Variants in KATNIP observed in about 807,000 individuals in gnomAD.
KATNIP encodes katanin interacting protein, also known as katanin-interacting protein.
KATNIP carries 126 observed loss-of-function variants against 174.0 expected under a neutral mutation model. The ratio of observed to expected loss-of-function variants is 0.72; its 90% CI spans 0.63 to 0.84. KATNIP has a LOEUF of 0.84. Ranked by LOEUF, KATNIP falls within the 40% of genes least tolerant of loss-of-function variation. The pLI is 0.00. For missense variants in KATNIP, 1,958 were observed against 2,109.7 expected (o/e 0.93, Z 1.41); for synonymous variants, 810 against 835.7 (o/e 0.97, Z 0.53).
chr16:27,608,552 C>G (rs755070784), intron 2 of KATNIP, among the ~76,000 whole-genome samples: 1 of 151,622 alleles, frequency 6.6e-6, no homozygotes, highest in Non-Finnish European at 1.5e-5. Flanking sequence ...GGGTCTCACT[C>G]TGCTGCCCAG....
intron 1 of KATNIP, among the ~76,000 whole-genome samples, chr16:27,570,889 G>C (rs986202164): frequency 2.0e-5 from 3 of 152,226 alleles, no homozygotes; most frequent in African/African-American, 7.2e-5. Context: ...GAGGGACACG[G>C]AGTCTATTTT....
rs974739013 is a variant in KATNIP, at chr16:27,634,775, A to G, written c.408+3613A>G. Among the ~76,000 whole-genome samples, 29 of 152,338 alleles carry G rather than the reference A, an allele frequency of 1.9e-4. 1 individual carries two copies. The highest frequency in any genetic ancestry group is 6.5e-4 in the Admixed American group (10 of 15,304). The stretch of plus-strand genomic sequence containing the variant: ...TTGGCTGAACCTAAATCACACCCAG[A>G]ACCCAAGCCAAAATGTAACCATAAT... On this transcript the variant is annotated intron_variant, in intron 5 of 27. Transcript: ENST00000261588.
intron 3 of KATNIP, among the ~76,000 whole-genome samples, chr16:27,622,759 G>A (rs890502445): frequency 2.0e-5 from 3 of 152,132 alleles, no homozygotes; most frequent in African/African-American, 7.2e-5. Flanking sequence ...GCATCACTGG[G>A]GGCCTCACCT....
At chr16:27,584,316 T>A (rs1567461148) in intron 2 of KATNIP, among the ~76,000 whole-genome samples, 1 of 151,986 alleles carries the variant, frequency 6.6e-6, no homozygotes. Flanking sequence ...GGTTGTGCAC[T>A]TGTCCTGGAG....
At position 27,749,701 on chromosome 16, in the gene KATNIP, T is replaced by A; in HGVS notation, c.2741T>A (p.Ile914Asn). Residue 914 changes from isoleucine to asparagine, a missense_variant, in exon 16 of 28, where the codon ATC becomes AAC. Physicochemically the swap from Ile to Asn is moderately radical, Grantham distance 149. Around this residue, in one of 3 missense-constraint regions of KATNIP, gnomAD observed 1,557 missense variants for 1,617.8 expected, o/e 0.96. Coordinates refer to ENST00000261588, the MANE Select transcript of KATNIP (RefSeq NM_015202.5). ...SAFDRSHRGRISNTELPGDIL... is the reference protein window; with the variant it reads ...SAFDRSHRGRNSNTELPGDIL... The stretch of plus-strand genomic sequence containing the variant: ...TTCGACCGCTCCCACCGGGGACGCA[T>A]CTCCAACACGGAGCTCCCGGGGGAC... The A allele has an allele frequency of 6.2e-7, 1 of 1,613,538 alleles. No homozygotes were observed. Among genetic ancestry groups the A allele is most frequent in the East Asian group, 2.2e-5 (1 of 44,866 alleles).
chr16:27,612,238 A>T (rs567973737), intron 2 of KATNIP, among the ~76,000 whole-genome samples: 2 of 152,146 alleles, frequency 1.3e-5, no homozygotes, highest in Non-Finnish European at 2.9e-5. Context: ...GTTCCACCAG[A>T]CAACAGGTAC....
intron 1 of KATNIP, among the ~76,000 whole-genome samples, chr16:27,556,548 CT>C (rs1414606634): frequency 6.6e-5 from 10 of 152,180 alleles, no homozygotes; most frequent in Admixed American, 6.5e-4. Context: ...CAACATTTCC[CT>C]TGTTTATACT....
intron 2 of KATNIP, among the ~76,000 whole-genome samples, chr16:27,596,171 G>A (rs1291260500): frequency 6.6e-6 from 1 of 152,170 alleles, no homozygotes; most frequent in Non-Finnish European, 1.5e-5. Context: ...GTGAAAGGAG[G>A]CAGTGGCTGC....
chr16:27,731,351 C>T (rs767185434), intron 14 of KATNIP, among the ~76,000 whole-genome samples: 18 of 152,160 alleles, frequency 1.2e-4, no homozygotes, highest in South Asian at 2.1e-4. Context: ...CCAGCCTCGA[C>T]GGGTCTATAT....
At chr16:27,621,148 C>T (rs1166288708) in intron 3 of KATNIP, among the ~76,000 whole-genome samples, 1 of 151,914 alleles carries the variant, frequency 6.6e-6, no homozygotes, top group East Asian at 1.9e-4. Flanking sequence ...TGGTGGCATC[C>T]ACCTATAGTT....
At chr16:27,617,579 C>T (rs936551700) in intron 2 of KATNIP, among the ~76,000 whole-genome samples, 6 of 152,206 alleles carry the variant, frequency 3.9e-5, no homozygotes, top group African/African-American at 1.4e-4. Flanking sequence ...CTGAGCAGTT[C>T]CCCAAAGGAA....
chr16:27,564,592 C>T (rs1169776096), intron 1 of KATNIP, among the ~76,000 whole-genome samples: 1 of 151,852 alleles, frequency 6.6e-6, no homozygotes, highest in Non-Finnish European at 1.5e-5. Flanking sequence ...TAAACTGGGC[C>T]CCAGAAGTCA....
chr16:27,724,637 C>T lies in KATNIP; in HGVS notation c.1743+2942C>T, dbSNP rs186206228. Among the ~76,000 whole-genome samples the T allele has an allele frequency of 5.7e-4, 86 of 152,212 alleles. 1 individual carries two copies. The East Asian group carries it at 7.6e-3, about 13-fold the overall frequency. ...AGGACTGCGGTTCCTGCCAGGGCAC[C>T]GCTTATGTAACACAAACCCAATCTG... is the stretch of plus-strand genomic sequence containing the variant. On this transcript the variant is annotated intron_variant, in intron 14 of 27. Transcript: ENST00000261588.
At chr16:27,639,060 A>G in intron 5 of KATNIP, among the ~76,000 whole-genome samples, 1 of 151,970 alleles carries the variant, frequency 6.6e-6, no homozygotes, top group Non-Finnish European at 1.5e-5. Flanking sequence ...TTCTCTTCTT[A>G]CGGTCTCACC....
intron 2 of KATNIP, among the ~76,000 whole-genome samples, chr16:27,617,537 A>G (rs1374243476): frequency 6.6e-6 from 1 of 152,230 alleles, no homozygotes; most frequent in African/African-American, 2.4e-5. Context: ...TTTCAAGGTC[A>G]TCTACGGAAG....
intron 1 of KATNIP, among the ~76,000 whole-genome samples, chr16:27,552,156 T>A (rs1302543837): frequency 6.6e-6 from 1 of 152,214 alleles, no homozygotes; most frequent in African/African-American, 2.4e-5. Flanking sequence ...TTATGTTTTT[T>A]CAAGTTTATT....
chr16:27,638,547 A>C (rs2142233177), intron 5 of KATNIP, among the ~76,000 whole-genome samples: 1 of 152,286 alleles, frequency 6.6e-6, no homozygotes, highest in South Asian at 2.1e-4. Flanking sequence ...AAGGCAGCCA[A>C]GTCCCCAGTG....
intron 2 of KATNIP, among the ~76,000 whole-genome samples, chr16:27,615,020 T>A (rs1370898264): frequency 6.6e-6 from 1 of 152,154 alleles, no homozygotes; most frequent in South Asian, 2.1e-4. Flanking sequence ...ACACTGACCT[T>A]CCACAATTGA....
intron 10 of KATNIP, among the ~76,000 whole-genome samples, chr16:27,701,218 C>A (rs544701942): frequency 6.6e-6 from 1 of 152,094 alleles, no homozygotes; most frequent in Non-Finnish European, 1.5e-5. Flanking sequence ...AGTGCAGTGG[C>A]ATGACCATAG....
Sources: gnomAD v4.1 joint callset for allele counts (sites outside exome capture counted in the v4.1 genomes callset) on GRCh38, gnomAD v4.1.1 for gene constraint, gnomAD v4.1.1 regional missense constraint, MANE v1.5 for transcripts, NCBI Gene and HGNC (gene_info 2026-07-23, HGNC 2026-07-21) for gene names.